The following SYT13 variants were observed in gnomAD, a reference collection of about 807,000 sequenced individuals.
SYT13 encodes the protein synaptotagmin-13.
SYT13 carries 21 observed loss-of-function variants against 38.6 expected under a neutral mutation model. The ratio of observed to expected loss-of-function variants is 0.54; its 90% CI spans 0.39 to 0.78. The LOEUF (loss-of-function observed/expected upper bound fraction) is 0.78, where lower values mean the gene tolerates loss of function less well. SYT13 is among the 30% of genes least tolerant of loss of function. The probability of loss-of-function intolerance (pLI) is 0.00; values close to 1 mark genes in which losing one functional copy is unlikely to be tolerated. For synonymous variants in SYT13, 241 were observed against 237.6 expected (o/e 1.01, Z -0.13); for missense variants, 495 against 548.7 (o/e 0.90, Z 0.98).
chr11:45,260,674 A>G (rs1304428195), intron 1 of SYT13, among the ~76,000 whole-genome samples: 1 of 152,210 alleles, frequency 6.6e-6, no homozygotes, highest in Non-Finnish European at 1.5e-5. Flanking sequence ...GGAGACAGGC[A>G]TTCAACAATT....
chr11:45,262,466 C>T (rs1287673163), intron 1 of SYT13, among the ~76,000 whole-genome samples: 1 of 152,154 alleles, frequency 6.6e-6, no homozygotes, highest in African/African-American at 2.4e-5. Flanking sequence ...TGGCTCATGC[C>T]TGTACTCTCA....
At chr11:45,271,297 G>C (rs1854946294) in intron 1 of SYT13, among the ~76,000 whole-genome samples, 1 of 152,188 alleles carries the variant, frequency 6.6e-6, no homozygotes, top group African/African-American at 2.4e-5. Flanking sequence ...GTCTTAAAAA[G>C]CCAAATACCT....
At chr11:45,269,378 C>T in intron 1 of SYT13, 1 of 1,032,050 alleles carries the variant, frequency 9.7e-7, no homozygotes, top group Non-Finnish European at 1.2e-6. Context: ...CTCCGTGGGA[C>T]TGGAAACCCC....
intron 4 of SYT13, among the ~76,000 whole-genome samples, chr11:45,247,751 C>T (rs1854630405): frequency 6.6e-6 from 1 of 152,206 alleles, no homozygotes; most frequent in Non-Finnish European, 1.5e-5. Flanking sequence ...AATGCACCTA[C>T]TATATTCCAG....
intron 2 of SYT13, among the ~76,000 whole-genome samples, chr11:45,255,065 A>G (rs1345787481): frequency 1.3e-5 from 2 of 152,126 alleles, no homozygotes; most frequent in Non-Finnish European, 2.9e-5. Flanking sequence ...GCAGTGGCCC[A>G]CGATCATGCC....
rs1013146854 is a variant in SYT13 at position 45,241,547 on chromosome 11, G to A, written c.*2505C>T. The A allele has an allele frequency of 1.6e-5, 2 of 126,384 alleles. No individual in the cohort carries two copies. Among genetic ancestry groups the A allele is most frequent in the African/African-American group, 6.2e-5 (2 of 32,228 alleles). 7.8% of individuals were successfully genotyped at this position (126,384 alleles called of 1,614,324 possible). A position where few individuals can be genotyped will look rare whatever the true frequency, so the allele number is the denominator to read the frequency against. ...AAAAAAAGAAGAAGAAGAATGAAAG[G>A]ATGCTTCATGACCAAATGATGATGG... On this transcript the variant is annotated 3_prime_UTR_variant, in exon 6 of 6. Coordinates refer to ENST00000020926, the MANE Select transcript of SYT13 (RefSeq NM_020826.3).
intron 1 of SYT13, among the ~76,000 whole-genome samples, chr11:45,266,178 A>G (rs1485245912): frequency 1.3e-5 from 2 of 152,170 alleles, no homozygotes; most frequent in Non-Finnish European, 2.9e-5. Flanking sequence ...TGATTCCTGC[A>G]CACAATCAGC....
At position 45,252,580 on chromosome 11, in the gene SYT13, C is replaced by T; in HGVS notation, c.687G>A (p.Leu229=). Residue 229 remains leucine (L), a synonymous_variant, in exon 4 of 6, where the codon CTG becomes CTA. Transcript: ENST00000020926. The surrounding 1 kb of genome is among the most constrained non-coding windows in gnomAD (Gnocchi z 4.3). ...TTWEEGLVLP[L]AEEELPTATL... Reference sequence around the variant, plus strand: ...TGGCTGTGGGGAGCTCCTCCTCCGCCAGGGGGAGCACCAGGCCCTCCTCCC... The same window carrying T: ...TGGCTGTGGGGAGCTCCTCCTCCGCTAGGGGGAGCACCAGGCCCTCCTCCC... 2 of 1,614,140 alleles carry T rather than the reference C, an allele frequency of 1.2e-6. No homozygotes were observed. Among genetic ancestry groups the T allele is most frequent in the South Asian group, 1.1e-5 (1 of 91,086 alleles).
chr11:45,261,915 C>CAAA (rs35524066), intron 1 of SYT13, among the ~76,000 whole-genome samples: 19 of 130,616 alleles, frequency 1.5e-4, no homozygotes, highest in South Asian at 1.0e-3. Context: ...GACCTTGTCT[C>CAAA]AAAAAAAAAA....
At chr11:45,264,593 C>T (rs1461204656) in intron 1 of SYT13, among the ~76,000 whole-genome samples, 3 of 152,170 alleles carry the variant, frequency 2.0e-5, no homozygotes, top group Non-Finnish European at 4.4e-5. Context: ...CCCCAGAGGA[C>T]ACCTTGACCA....
intron 1 of SYT13, among the ~76,000 whole-genome samples, chr11:45,280,507 G>T (rs181558880): frequency 1.3e-5 from 2 of 152,126 alleles, no homozygotes; most frequent in African/African-American, 4.8e-5. Flanking sequence ...CCTTACTGAC[G>T]TATAACTGCA....
chr11:45,271,245 T>C (rs6416132), intron 1 of SYT13, among the ~76,000 whole-genome samples: 117,488 of 152,166 alleles, frequency 0.77, 46,523 homozygotes, highest in Non-Finnish European at 0.87. Context: ...ATTTGCTATT[T>C]CTGATTCAAA....
Position 45,286,318 on chromosome 11 carries a change from C to T in SYT13, c.-111G>A. 7.7e-7 allele frequency: 1 copy of T among 1,291,524 alleles called. No individual in the cohort carries two copies. The highest frequency in any genetic ancestry group is 1.0e-6 in the Non-Finnish European group (1 of 977,088). 80.0% of individuals were successfully genotyped at this position (1,291,524 alleles called of 1,614,324 possible). A position where few individuals can be genotyped will look rare whatever the true frequency, so the allele number is the denominator to read the frequency against. On this transcript the variant is annotated 5_prime_UTR_variant, in exon 1 of 6. Transcript: ENST00000020926. Reference sequence around the variant, plus strand: ...GGGCGAGCCAGCAGCTCTCCCGCCGCCAGAGGGGCGGGGACGGAGGGAGGG... The same window carrying T: ...GGGCGAGCCAGCAGCTCTCCCGCCGTCAGAGGGGCGGGGACGGAGGGAGGG...
At chr11:45,261,902 C>T (rs1011450092) in intron 1 of SYT13, among the ~76,000 whole-genome samples, 1 of 140,266 alleles carries the variant, frequency 7.1e-6, no homozygotes, top group Non-Finnish European at 1.5e-5. Context: ...GGTGACAGAG[C>T]AAGACCTTGT....
chr11:45,247,859 C>T (rs1408613701), intron 4 of SYT13, among the ~76,000 whole-genome samples: 2 of 152,150 alleles, frequency 1.3e-5, no homozygotes, highest in Admixed American at 6.5e-5. Context: ...TATATAACAT[C>T]GGGCAGCATT....
intron 1 of SYT13, among the ~76,000 whole-genome samples, chr11:45,278,113 TA>T (rs1035973523): frequency 2.6e-4 from 39 of 152,352 alleles, no homozygotes; most frequent in Middle Eastern, 3.4e-3. Context: ...AAATTAGTTA[TA>T]GGGGACCCTT....
At position 45,241,624 on chromosome 11, in the gene SYT13, C is replaced by T. The variant is rs1308341745; in HGVS notation, c.*2428G>A. 4 of 151,430 alleles carry T rather than the reference C, an allele frequency of 2.6e-5. No individual in the cohort carries two copies. Among genetic ancestry groups the T allele is most frequent in the Non-Finnish European group, 5.9e-5 (4 of 67,958 alleles). 9.4% of individuals were successfully genotyped at this position (151,430 alleles called of 1,614,324 possible). Reference sequence around the variant, plus strand: ...GCCCCGCCCAGCCCACCTGAAATTCCTTTGATGGTACTATAAGGCAGCTGC... The same window carrying T: ...GCCCCGCCCAGCCCACCTGAAATTCTTTTGATGGTACTATAAGGCAGCTGC... On this transcript the variant is annotated 3_prime_UTR_variant, in exon 6 of 6. Coordinates refer to ENST00000020926, the MANE Select transcript of SYT13 (RefSeq NM_020826.3).
intron 1 of SYT13, among the ~76,000 whole-genome samples, chr11:45,259,828 GTGACTGCAAGGTGAGTCAGCCT>G (rs1854794418): frequency 6.6e-6 from 1 of 152,228 alleles, no homozygotes; most frequent in Non-Finnish European, 1.5e-5. Context: ...GCCCTGCCTT[GTGACTGCAAGGTGAGTCAGCCT>G]TGGGGCAGCA....
rs1392298958 is a variant in SYT13 at position 45,243,246 on chromosome 11, A to AGCAGG, written c.*801_*805dup. ...TAAAAAGCACAAAATTCAGTCCAAG[A>AGCAGG]GCAGGGGGCTTATGAAATGCACAAA... On this transcript the variant is annotated 3_prime_UTR_variant, in exon 6 of 6. Transcript: ENST00000020926. 1 of 152,240 alleles carries AGCAGG rather than the reference A, an allele frequency of 6.6e-6. No homozygotes were observed. Among genetic ancestry groups the AGCAGG allele is most frequent in the Admixed American group, 6.5e-5 (1 of 15,286 alleles). The allele number at this position is 152,240 out of a possible 1,614,324, so 9.4% of individuals were successfully genotyped here. A position where few individuals can be genotyped will look rare whatever the true frequency, so the allele number is the denominator to read the frequency against.
Sources: allele counts gnomAD v4.1 joint callset (sites outside exome capture counted in the v4.1 genomes callset), GRCh38; gene constraint gnomAD v4.1.1; non-coding constraint Gnocchi (gnomAD v3.1); transcripts MANE v1.5; gene names NCBI Gene and HGNC (gene_info 2026-07-23, HGNC 2026-07-21).